The following SEPTIN2 variants were observed in gnomAD, a reference collection of about 807,000 sequenced individuals.
SEPTIN2 encodes septin-2.
Under a neutral mutation model 46.5 loss-of-function variants are expected in SEPTIN2, and 34 were observed. The observed-to-expected ratio is 0.73, with a 90% CI of 0.56 to 0.97. The LOEUF (loss-of-function observed/expected upper bound fraction) is 0.97, where lower values mean the gene tolerates loss of function less well. SEPTIN2 is among the 50% of genes least tolerant of loss of function. The pLI, the probability that SEPTIN2 is intolerant of heterozygous loss-of-function variation, is 0.00. For missense variants in SEPTIN2, 347 were observed against 448.4 expected, an observed-to-expected ratio of 0.77 and a Z score of 2.04; for synonymous variants, 175 against 153.4, an observed-to-expected ratio of 1.14 and a Z score of -1.04.
In SEPTIN2 at chr2:241,343,683, T is replaced by A. The variant is rs767766548; in HGVS notation, c.697-69T>A. 39 of 1,572,216 alleles carry A rather than the reference T, an allele frequency of 2.5e-5. 1 individual carries two copies. The highest frequency in any genetic ancestry group is 3.4e-4 in the Middle Eastern group (2 of 5,918). On this transcript the variant is annotated intron_variant, in intron 8 of 12. Coordinates refer to ENST00000391971, the MANE Select transcript of SEPTIN2 (RefSeq NM_004404.5). ...GCAATGTGTTAAGTCTGTGCTAATGTTCTCGTGTTGCCAGTGAACTCTGGG... is the reference window on the plus strand; with the variant it reads ...GCAATGTGTTAAGTCTGTGCTAATGATCTCGTGTTGCCAGTGAACTCTGGG...
At chr2:241,325,899 T>C (rs2077885349) in intron 2 of SEPTIN2, 94 bp from the exon 3 acceptor site, 1 of 1,237,950 alleles carries the variant, frequency 8.1e-7, no homozygotes, top group Non-Finnish European at 1.1e-6. Flanking sequence ...TTGTGAAAAC[T>C]GATAACCTAT....
At chr2:241,338,246 G>A (rs553844391) in intron 7 of SEPTIN2, among the ~76,000 whole-genome samples, 1 of 152,248 alleles carries the variant, frequency 6.6e-6, no homozygotes, top group East Asian at 1.9e-4. Flanking sequence ...AGCAGCTCCT[G>A]TGGTGTCCCA....
At chr2:241,331,500 G>A (rs983811424) in intron 3 of SEPTIN2, among the ~76,000 whole-genome samples, 4 of 152,070 alleles carry the variant, frequency 2.6e-5, no homozygotes, top group Admixed American at 6.5e-5. Flanking sequence ...AGTGATTCTC[G>A]TTTCTCAGCC....
intron 7 of SEPTIN2, among the ~76,000 whole-genome samples, chr2:241,342,083 A>AG (rs1184283580): frequency 1.2e-4 from 19 of 152,172 alleles, no homozygotes; most frequent in African/African-American, 4.1e-4. Flanking sequence ...ACAGATCCCC[A>AG]GGTCGCTAGC....
chr2:241,338,930 T>C (rs1273045222), intron 7 of SEPTIN2, among the ~76,000 whole-genome samples: 2 of 99,686 alleles, frequency 2.0e-5, no homozygotes, highest in East Asian at 2.5e-4. Flanking sequence ...ATTGTACATA[T>C]ATTTATTATA....
At chr2:241,321,083 T>G (rs548220296) in intron 1 of SEPTIN2, among the ~76,000 whole-genome samples, 1 of 152,352 alleles carries the variant, frequency 6.6e-6, no homozygotes, top group South Asian at 2.1e-4. Context: ...AAATTTTGTT[T>G]AGGCTTTTTT....
intron 1 of SEPTIN2, among the ~76,000 whole-genome samples, chr2:241,317,264 C>A (rs1429551171): frequency 6.6e-6 from 1 of 152,164 alleles, no homozygotes; most frequent in Non-Finnish European, 1.5e-5. Flanking sequence ...TATGTATAAT[C>A]TTGGCATTGA....
Position 241,343,008 on chromosome 2 carries a change from AAG to A in SEPTIN2, c.613_614del (p.Glu205ThrfsTer2). 1 of 1,602,094 alleles carries A rather than the reference AAG, an allele frequency of 6.2e-7. No individual in the cohort carries two copies. The highest frequency in any genetic ancestry group is 1.7e-5 in the Admixed American group (1 of 59,532). On this transcript the variant is annotated frameshift_variant, in exon 8 of 13. Coordinates refer to ENST00000391971, the MANE Select transcript of SEPTIN2 (RefSeq NM_004404.5). LOFTEE classifies it high-confidence loss of function. ...TTCTCTCAGATTCTGGATGAAATTG[AAG>A]AACATAACATCAAAATCTATCACTT...
At chr2:241,335,576 TCCAGCACAGGACA>T (rs2079817097) in intron 4 of SEPTIN2, 2 of 605,864 alleles carry the variant, frequency 3.3e-6, no homozygotes, top group Non-Finnish European at 5.8e-6. Flanking sequence ...GTCAGAAAGT[TCCAGCACAGGACA>T]CCAGCATCCA....
intron 3 of SEPTIN2, among the ~76,000 whole-genome samples, chr2:241,332,076 G>A (rs183817462): frequency 1.3e-5 from 2 of 152,280 alleles, no homozygotes; most frequent in East Asian, 3.9e-4. Flanking sequence ...TGAAATTATA[G>A]TAGATTTAAA....
In SEPTIN2 at chr2:241,333,307, T is replaced by C. The variant is rs140678351; in HGVS notation, c.131-1819T>C. 7.2e-3 allele frequency among the ~76,000 whole-genome samples: 1,093 copies of C among 152,304 alleles called. 32 individuals carry two copies. In the South Asian group the frequency reaches 0.074, roughly 10 times the overall value. On this transcript the variant is annotated intron_variant, in intron 3 of 12. Coordinates refer to ENST00000391971, the MANE Select transcript of SEPTIN2 (RefSeq NM_004404.5). ...AAGAGGAAAGGCAGTTTTTAAAATT[T>C]TGTCAGACTTCTAAAGAAACAGGTA...
intron 7 of SEPTIN2, among the ~76,000 whole-genome samples, chr2:241,340,739 C>T (rs1228720178): frequency 6.6e-6 from 1 of 152,154 alleles, no homozygotes; most frequent in African/African-American, 2.4e-5. Context: ...ATACTTCGAG[C>T]TTTTATCCCT....
At chr2:241,322,026 G>GGT (rs1247464853) in intron 1 of SEPTIN2, among the ~76,000 whole-genome samples, 6 of 152,190 alleles carry the variant, frequency 3.9e-5, no homozygotes, top group African/African-American at 1.2e-4. Context: ...ACTATCCCTT[G>GGT]GTTAACCAAG....
intron 9 of SEPTIN2, 39 bp downstream of exon 9, chr2:241,343,936 G>A (rs201650214): frequency 1.0e-4 from 165 of 1,610,820 alleles, no homozygotes; most frequent in African/African-American, 6.9e-4. Flanking sequence ...AGAATTTGGC[G>A]TGAAGAATAT....
At position 241,351,991 on chromosome 2, in the gene SEPTIN2, A is replaced by G. The variant is rs2060834266; in HGVS notation, c.*54A>G. 1 of 152,694 alleles carries G rather than the reference A, an allele frequency of 6.5e-6. No individual in the cohort carries two copies. The allele number at this position is 152,694 out of a possible 1,614,324, so 9.5% of individuals were successfully genotyped here. ...GAAAACACTTTCCTGGATAAAAAAG[A>G]AAACATTCCAGATGCATGATCCAGC... On this transcript the variant is annotated 3_prime_UTR_variant, in exon 13 of 13. Transcript: ENST00000391971.
intron 10 of SEPTIN2, among the ~76,000 whole-genome samples, chr2:241,347,016 A>T (rs914451758): frequency 6.6e-6 from 1 of 152,202 alleles, no homozygotes; most frequent in Non-Finnish European, 1.5e-5. Flanking sequence ...GTTTTCTGGG[A>T]GGCCAAGGCA....
chr2:241,346,257 C>T lies in SEPTIN2; in HGVS notation c.926+8C>T. 6.2e-7 allele frequency: 1 copy of T among 1,611,362 alleles called. No homozygotes were observed. Among genetic ancestry groups the T allele is most frequent in the Non-Finnish European group, 8.5e-7 (1 of 1,177,654 alleles). ...ACTCAAGAGAGGCGGCAGGTCATCA[C>T]ACTGTGCCCCTTTCTCTGTATTGTG... On this transcript the variant is annotated splice_region_variant and intron_variant, in intron 10 of 12. Coordinates refer to ENST00000391971, the MANE Select transcript of SEPTIN2 (RefSeq NM_004404.5).
chr2:241,325,322 C>T (rs1324518371), intron 2 of SEPTIN2: 2 of 152,150 alleles, frequency 1.3e-5, no homozygotes, highest in Non-Finnish European at 2.9e-5. Flanking sequence ...TCTGTCCTCT[C>T]TCTCATCAGA....
At chr2:241,327,078 A>G (rs1344695835) in intron 3 of SEPTIN2, among the ~76,000 whole-genome samples, 5 of 113,930 alleles carry the variant, frequency 4.4e-5, no homozygotes, top group Non-Finnish European at 9.1e-5. Flanking sequence ...AAAAAAAAAA[A>G]TCCAGGCATT....
Sources: allele counts gnomAD v4.1 joint callset (sites outside exome capture counted in the v4.1 genomes callset), GRCh38; gene constraint gnomAD v4.1.1; transcripts MANE v1.5; gene names NCBI Gene and HGNC (gene_info 2026-07-23, HGNC 2026-07-21).